Variants in STAU2 observed in about 807,000 individuals in gnomAD.
The protein encoded by STAU2 is staufen double-stranded RNA binding protein 2.
STAU2 carries 20 observed loss-of-function variants against 65.9 expected under a neutral mutation model. That is an observed-to-expected ratio of 0.30 (90% CI 0.21 to 0.44). The LOEUF is 0.44. Ranked by LOEUF, STAU2 falls within the 20% of genes least tolerant of loss-of-function variation. STAU2 has a pLI of 1.00. For synonymous variants in STAU2, 232 were observed against 233.9 expected, an observed-to-expected ratio of 0.99 and a Z score of 0.07; for missense variants, 558 against 683.9, an observed-to-expected ratio of 0.82 and a Z score of 2.05.
In STAU2 at chr8:73,560,360, G is replaced by A. The variant is rs559970958; in HGVS notation, c.1223-8041C>T. Among the ~76,000 whole-genome samples the A allele has an allele frequency of 3.2e-3, 492 of 152,152 alleles. 5 individuals carry two copies. Among genetic ancestry groups the A allele is most frequent in the African/African-American group, 0.011 (470 of 41,506 alleles). On this transcript the variant is annotated intron_variant, in intron 12 of 14. Coordinates refer to ENST00000524300, the MANE Select transcript of STAU2 (RefSeq NM_001164380.2). ...CTCCCAAAGTGCTGGGATTACAGGC[G>A]TGAGCCACCACGCCTGGCCAAAATG...
chr8:73,517,315 T>C (rs1822790338), intron 13 of STAU2, among the ~76,000 whole-genome samples: 1 of 152,098 alleles, frequency 6.6e-6, no homozygotes. Context: ...GTCCCAGCAA[T>C]TCAGGAGGCT....
intron 12 of STAU2, among the ~76,000 whole-genome samples, chr8:73,575,112 A>G (rs1809431577): frequency 8.4e-6 from 1 of 119,074 alleles, no homozygotes; most frequent in Non-Finnish European, 1.7e-5. Context: ...ACACAGATGC[A>G]CACAGTCCTA....
intron 13 of STAU2, among the ~76,000 whole-genome samples, chr8:73,460,134 C>T (rs574347196): frequency 3.9e-4 from 60 of 152,332 alleles, no homozygotes; most frequent in African/African-American, 1.4e-3. Context: ...TCTTAAGATT[C>T]CCAGGGTCTT....
rs78640258 is a variant in STAU2 at position 73,484,997 on chromosome 8, T to A, written c.1531-62295A>T. On this transcript the variant is annotated intron_variant, in intron 13 of 14. Coordinates refer to ENST00000524300, the MANE Select transcript of STAU2 (RefSeq NM_001164380.2). ...TCCTTCTTCCAAGACCAAATTCAGG[T>A]AGATACATTCTAATTTCACAGGCAA... Among the ~76,000 whole-genome samples, 643 of 152,164 alleles carry A rather than the reference T, an allele frequency of 4.2e-3. 5 individuals carry two copies. Among genetic ancestry groups the A allele is most frequent in the African/African-American group, 0.015 (619 of 41,536 alleles).
intron 6 of STAU2, among the ~76,000 whole-genome samples, chr8:73,658,498 C>A (rs1816559862): frequency 6.6e-6 from 1 of 152,148 alleles, no homozygotes; most frequent in Admixed American, 6.5e-5. Context: ...TGATGATCAC[C>A]CAAAATCTTA....
Position 73,744,708 on chromosome 8 carries a change from T to A in STAU2, c.-197+2075A>T, listed in dbSNP as rs537508660. 3.9e-5 allele frequency among the ~76,000 whole-genome samples: 6 copies of A among 152,288 alleles called. No individual in the cohort carries two copies. In the East Asian group the frequency reaches 1.2e-3, roughly 29 times the overall value. ...GTAAAATTTGCATGGTTTTCCAAGC[T>A]CAAGTATTTAGGAGTTAAGGATCAC... On this transcript the variant is annotated intron_variant, in intron 1 of 14. Transcript: ENST00000524300.
chr8:73,659,232 A>G (rs1030765065), intron 6 of STAU2, among the ~76,000 whole-genome samples: 3 of 152,180 alleles, frequency 2.0e-5, no homozygotes, highest in African/African-American at 4.8e-5. Flanking sequence ...TATATGTCAC[A>G]TGACATATTA....
chr8:73,601,618 C>T (rs1270511157), intron 10 of STAU2, among the ~76,000 whole-genome samples: 1 of 152,042 alleles, frequency 6.6e-6, no homozygotes, highest in Non-Finnish European at 1.5e-5. Context: ...AAAATTGCTG[C>T]AATACTGTAA....
intron 6 of STAU2, 83 bp from the exon 7 acceptor site, chr8:73,617,534 C>A (rs957529996): frequency 2.5e-5 from 33 of 1,331,996 alleles, no homozygotes; most frequent in Non-Finnish European, 3.3e-5. Flanking sequence ...AAAATGATAC[C>A]AATTATATAA....
chr8:73,557,336 G>A (rs73328724), intron 12 of STAU2, among the ~76,000 whole-genome samples: 1 of 152,330 alleles, frequency 6.6e-6, no homozygotes, highest in African/African-American at 2.4e-5. Context: ...ATAGATTTAT[G>A]TGGTCAAGAA....
intron 6 of STAU2, among the ~76,000 whole-genome samples, chr8:73,642,636 A>G (rs1815076513): frequency 6.6e-6 from 1 of 152,146 alleles, no homozygotes; most frequent in South Asian, 2.1e-4. Context: ...TACCTCTTTT[A>G]TCACTGCTTT....
In STAU2 at chr8:73,709,274, T is replaced by C. The variant is rs574273768; in HGVS notation, c.-17-112A>G. On this transcript the variant is annotated intron_variant, in intron 3 of 14. Transcript: ENST00000524300. ...TATATTTAAATTATTTTCATGAATT[T>C]TGTATTTTAAAAATTCAAATTACCT... The C allele has an allele frequency of 2.8e-5, 28 of 1,010,810 alleles. No homozygotes were observed. The Admixed American group carries it at 6.6e-4, about 24-fold the overall frequency. 62.6% of individuals were successfully genotyped at this position (1,010,810 alleles called of 1,614,324 possible). A position where few individuals can be genotyped will look rare whatever the true frequency, so the allele number is the denominator to read the frequency against.
chr8:73,539,475 ATAAT>A (rs1452670323), intron 13 of STAU2, among the ~76,000 whole-genome samples: 6 of 152,208 alleles, frequency 3.9e-5, no homozygotes, highest in African/African-American at 1.4e-4. Context: ...AATGAAAAAT[ATAAT>A]TACGCAAAAT....
chr8:73,746,365 C>A (rs1349305517), intron 1 of STAU2, among the ~76,000 whole-genome samples: 1 of 151,766 alleles, frequency 6.6e-6, no homozygotes, highest in African/African-American at 2.4e-5. Context: ...GCTGCACTCG[C>A]CGTCCTCTCT....
intron 13 of STAU2, among the ~76,000 whole-genome samples, chr8:73,511,038 G>A (rs565048641): frequency 1.4e-4 from 22 of 152,372 alleles, no homozygotes; most frequent in African/African-American, 5.0e-4. Flanking sequence ...TGAAGGCAGT[G>A]TGGGCTCACC....
At chr8:73,655,639 CTTTT>C (rs71269930) in intron 6 of STAU2, among the ~76,000 whole-genome samples, 5,639 of 103,558 alleles carry the variant, frequency 0.054, 45 homozygotes, top group Middle Eastern at 0.078. Context: ...TTTAATACAT[CTTTT>C]TTTTTTTTTT....
chr8:73,667,295 T>A (rs916910761), intron 6 of STAU2, among the ~76,000 whole-genome samples: 1 of 152,148 alleles, frequency 6.6e-6, no homozygotes, highest in African/African-American at 2.4e-5. Context: ...AATTATTTTA[T>A]CCCTCAGCTT....
chr8:73,437,885 A>G (rs1817829961), intron 13 of STAU2, among the ~76,000 whole-genome samples: 1 of 152,068 alleles, frequency 6.6e-6, no homozygotes, highest in South Asian at 2.1e-4. Context: ...CCTCCCACCT[A>G]CACCCTTCAG....
chr8:73,645,673 T>C (rs551799811), intron 6 of STAU2, among the ~76,000 whole-genome samples: 7 of 151,362 alleles, frequency 4.6e-5, no homozygotes, highest in African/African-American at 1.7e-4. Context: ...ATAAGAAGAG[T>C]TTTAATTGGC....
Sources: gnomAD v4.1 joint callset for allele counts (sites outside exome capture counted in the v4.1 genomes callset) on GRCh38, gnomAD v4.1.1 for gene constraint, MANE v1.5 for transcripts, NCBI Gene and HGNC (gene_info 2026-07-23, HGNC 2026-07-21) for gene names.